LIMA1: variants seen among roughly 807,000 people sequenced by gnomAD.
The protein encoded by LIMA1 is LIM domain and actin-binding protein 1.
A neutral mutation model predicts 62.6 loss-of-function variants in LIMA1; 52 were observed. The ratio of observed to expected loss-of-function variants is 0.83; its 90% CI spans 0.67 to 1.05. The LOEUF is 1.05. Among genes scored for constraint, LIMA1 ranks in the 50% least tolerant of loss-of-function variants. The probability of loss-of-function intolerance (pLI) is 0.00; values close to 1 mark genes in which losing one functional copy is unlikely to be tolerated. For synonymous variants in LIMA1, 302 were observed against 317.8 expected (o/e 0.95, Z 0.53); for missense variants, 780 against 902.2 (o/e 0.86, Z 1.74).
intron 3 of LIMA1, chr12:50,222,803 G>A: frequency 1.4e-6 from 1 of 719,232 alleles, no homozygotes; most frequent in Non-Finnish European, 1.9e-6. Flanking sequence ...TTTACCCAAA[G>A]ATTAATGGGG....
intron 3 of LIMA1, among the ~76,000 whole-genome samples, chr12:50,227,259 G>A (rs1464947199): frequency 9.4e-5 from 8 of 84,838 alleles, no homozygotes; most frequent in African/African-American, 2.3e-4. Flanking sequence ...TTTTTTTTGA[G>A]ATGGAGTCTT....
chr12:50,275,899 C>T (rs1350747452), intron 1 of LIMA1, among the ~76,000 whole-genome samples: 2 of 151,944 alleles, frequency 1.3e-5, no homozygotes, highest in African/African-American at 4.8e-5. Context: ...GCATTGTCTC[C>T]CCTTAAGTTT....
chr12:50,191,404 T>C (rs1277104423), intron 9 of LIMA1: 4 of 147,776 alleles, frequency 2.7e-5, no homozygotes, highest in South Asian at 2.1e-4. Context: ...CATGTGCGTA[T>C]AGTTCTAGCT....
rs1029690890 is a variant in LIMA1, at chr12:50,200,675, C to G, written c.972+102G>C. ...TGTCCTGGCAGCTGTTACCAAATTC[C>G]CAGACACTCTACAGCCTAGAGTTAG... On this transcript the variant is annotated intron_variant, in intron 7 of 10. Coordinates refer to ENST00000341247, the MANE Select transcript of LIMA1 (RefSeq NM_016357.5). The G allele has an allele frequency of 5.3e-6, 7 of 1,318,984 alleles. No individual in the cohort carries two copies. In the Admixed American group the frequency reaches 1.4e-4, roughly 26 times the overall value. The allele number at this position is 1,318,984 out of a possible 1,614,324, so 81.7% of individuals were successfully genotyped here.
chr12:50,252,530 G>A (rs1225124825), intron 1 of LIMA1, among the ~76,000 whole-genome samples: 3 of 140,916 alleles, frequency 2.1e-5, no homozygotes, highest in African/African-American at 8.1e-5. Flanking sequence ...GCAGTGAGCC[G>A]AGATTGCACC....
intron 3 of LIMA1, among the ~76,000 whole-genome samples, chr12:50,225,614 A>T (rs1941515884): frequency 6.6e-6 from 1 of 152,120 alleles, no homozygotes; most frequent in East Asian, 1.9e-4. Flanking sequence ...GTGTAGTGGC[A>T]CGATCTTGGT....
intron 1 of LIMA1, among the ~76,000 whole-genome samples, chr12:50,251,242 T>C (rs1941925932): frequency 6.6e-6 from 1 of 152,174 alleles, no homozygotes; most frequent in Non-Finnish European, 1.5e-5. Context: ...GGTAGAAATA[T>C]ACTACCAATA....
At chr12:50,257,300 T>C (rs984389305) in intron 1 of LIMA1, among the ~76,000 whole-genome samples, 17 of 152,168 alleles carry the variant, frequency 1.1e-4, no homozygotes, top group African/African-American at 3.9e-4. Context: ...AGTCTCCCTA[T>C]GTTGTCCAGG....
chr12:50,193,498 CAT>C (rs1409187581), intron 8 of LIMA1, among the ~76,000 whole-genome samples: 270 of 123,094 alleles, frequency 2.2e-3, no homozygotes, highest in Non-Finnish European at 3.9e-3. Context: ...ATATATATAT[CAT>C]ATATGTGTAT....
chr12:50,189,287 T>G (rs1042269584), intron 9 of LIMA1: 1 of 152,210 alleles, frequency 6.6e-6, no homozygotes, highest in Non-Finnish European at 1.5e-5. Context: ...TTCTCCCCTT[T>G]CCTCCTTTTG....
intron 3 of LIMA1, among the ~76,000 whole-genome samples, chr12:50,226,836 T>C (rs533804883): frequency 2.2e-5 from 3 of 139,062 alleles, no homozygotes; most frequent in South Asian, 2.2e-4. Flanking sequence ...AGATTCCATA[T>C]GAAAAAAAAA....
chr12:50,207,311 A>G (rs1421456305), intron 4 of LIMA1, among the ~76,000 whole-genome samples: 1 of 152,272 alleles, frequency 6.6e-6, no homozygotes, highest in East Asian at 1.9e-4. Flanking sequence ...ATCTTTAATG[A>G]AAGTTACAAA....
chr12:50,241,452 C>T (rs1284757963), intron 2 of LIMA1, among the ~76,000 whole-genome samples: 2 of 152,102 alleles, frequency 1.3e-5, no homozygotes, highest in African/African-American at 2.4e-5. Flanking sequence ...CAGAGGTTCC[C>T]TTCCCTTTAG....
chr12:50,201,623 G>A, intron 6 of LIMA1: 1 of 759,018 alleles, frequency 1.3e-6, no homozygotes, highest in Non-Finnish European at 1.6e-6. Context: ...GAACCTGGGT[G>A]CAGTGGCTCA....
chr12:50,206,382 A>T (rs1941154049), intron 4 of LIMA1, among the ~76,000 whole-genome samples: 1 of 152,134 alleles, frequency 6.6e-6, no homozygotes, highest in Non-Finnish European at 1.5e-5. Flanking sequence ...CCAAGTGCTG[A>T]TGCAGAATCT....
chr12:50,223,014 A>G (rs1941473466), intron 3 of LIMA1, among the ~76,000 whole-genome samples: 1 of 152,184 alleles, frequency 6.6e-6, no homozygotes, highest in South Asian at 2.1e-4. Flanking sequence ...GGCAGCAAGG[A>G]TTGAAACAAT....
intron 2 of LIMA1, among the ~76,000 whole-genome samples, chr12:50,236,501 T>C (rs540256523): frequency 2.0e-5 from 3 of 151,914 alleles, no homozygotes; most frequent in Non-Finnish European, 4.4e-5. Flanking sequence ...GGTTTCACCA[T>C]GTTGGCCAGA....
rs112137098 is a variant in LIMA1 at position 50,263,860 on chromosome 12, T to C, written c.-23-15086A>G. Among the ~76,000 whole-genome samples, 32 of 41,908 alleles carry C rather than the reference T, an allele frequency of 7.6e-4. 1 individual carries two copies. The highest frequency in any genetic ancestry group is 7.2e-3 in the Admixed American group (30 of 4,180). 27.5% of individuals were successfully genotyped at this position (41,908 alleles called of 152,430 possible). On this transcript the variant is annotated intron_variant, in intron 1 of 10. Coordinates refer to ENST00000341247, the MANE Select transcript of LIMA1 (RefSeq NM_016357.5). Reference sequence around the variant, plus strand: ...TATATATATATATATATAGAGAGTATATATATATATATATATAAAGTATAT... The same window carrying C: ...TATATATATATATATATAGAGAGTACATATATATATATATATAAAGTATAT...
Position 50,190,682 on chromosome 12 carries a change from A to ATT in LIMA1, c.1140+1768_1140+1769dup, listed in dbSNP as rs762182699. On this transcript the variant is annotated intron_variant, in intron 9 of 10. Transcript: ENST00000341247. Reference sequence around the variant, plus strand: ...GGCGTGAGCCACCACACCCGGCCTCATTTTTTTTTTTTTTTTTTTTTTTTT... The same window carrying ATT: ...GGCGTGAGCCACCACACCCGGCCTCATTTTTTTTTTTTTTTTTTTTTTTTTTT... 2.2e-3 allele frequency among the ~76,000 whole-genome samples: 208 copies of ATT among 93,002 alleles called. 20 individuals carry two copies. The highest frequency in any genetic ancestry group is 3.6e-3 in the Non-Finnish European group (162 of 45,534). The allele number at this position is 93,002 out of a possible 152,430, so 61.0% of individuals were successfully genotyped here. A position where few individuals can be genotyped will look rare whatever the true frequency, so the allele number is the denominator to read the frequency against.
Sources: allele counts gnomAD v4.1 joint callset (sites outside exome capture counted in the v4.1 genomes callset), GRCh38; gene constraint gnomAD v4.1.1; transcripts MANE v1.5; gene names NCBI Gene and HGNC (gene_info 2026-07-23, HGNC 2026-07-21).